The following FBN1 variants were observed in gnomAD, a reference collection of about 807,000 sequenced individuals.
FBN1 encodes the protein fibrillin 1.
FBN1 carries 29 observed loss-of-function variants against 365.1 expected under a neutral mutation model. The observed-to-expected ratio is 0.08, with a 90% CI of 0.06 to 0.11. FBN1 has a LOEUF of 0.11. Among genes scored for constraint, FBN1 ranks in the 10% least tolerant of loss-of-function variants. The pLI is 1.00. For missense variants in FBN1, 2,476 were observed against 3,703.2 expected (o/e 0.67, Z 8.60); for synonymous variants, 1,210 against 1,270.5 (o/e 0.95, Z 1.01).
rs1281826850 is a variant in FBN1, at chr15:48,515,511, G to A, written c.1344C>T (p.Asn448=). ...GGACCAACTGGCAGTAATCAGTAAC[G>A]TTTACTGGCAGCACCCCTAGAAGAA... The part of the protein sequence containing the change: ...SREPPRVLPV[N]VTDYCQLVRY... The change falls in exon 12 of 66, where the codon AAC becomes AAT. Residue 448 remains asparagine (N), a synonymous_variant. Transcript: ENST00000316623. 3.7e-6 allele frequency: 6 copies of A among 1,613,840 alleles called. No individual in the cohort carries two copies. The highest frequency in any genetic ancestry group is 5.1e-6 in the Non-Finnish European group (6 of 1,179,886).
intron 31 of FBN1, among the ~76,000 whole-genome samples, chr15:48,482,607 T>C (rs1384512520): frequency 1.3e-5 from 2 of 152,154 alleles, no homozygotes; most frequent in African/African-American, 4.8e-5. Context: ...AATCTGGGCA[T>C]CCTGGAAGGC....
chr15:48,503,108 G>A (rs1050844458), intron 17 of FBN1, among the ~76,000 whole-genome samples: 1 of 151,982 alleles, frequency 6.6e-6, no homozygotes, highest in Admixed American at 6.6e-5. Context: ...GACCAGCCTG[G>A]CCAATATGGT....
In FBN1 at chr15:48,425,370, T is replaced by C; in HGVS notation, c.7452A>G (p.Lys2484=). Residue 2484 remains lysine, a splice_region_variant and synonymous_variant, in exon 60 of 66, where the codon AAA becomes AAG. Coordinates refer to ENST00000316623, the MANE Select transcript of FBN1 (RefSeq NM_000138.5). ...YILQEDGRSC[K]DLDECATKQH... is the part of the protein sequence containing the mutation. ...GGGCAATGGTCAATTCTACTTTACC[T>C]TTGCAGCTCCTTCCATCCTCTTGCA... 1 of 1,614,164 alleles carries C rather than the reference T, an allele frequency of 6.2e-7. No individual in the cohort carries two copies. Among genetic ancestry groups the C allele is most frequent in the Non-Finnish European group, 8.5e-7 (1 of 1,179,996 alleles).
chr15:48,512,764 C>CT (rs2043771083), intron 13 of FBN1, among the ~76,000 whole-genome samples: 1 of 151,044 alleles, frequency 6.6e-6, no homozygotes, highest in African/African-American at 2.4e-5. Context: ...GAGTATTTGC[C>CT]TGTTTTTTTT....
chr15:48,642,620 G>A (rs1463594575), intron 2 of FBN1: 1 of 151,664 alleles, frequency 6.6e-6, no homozygotes, highest in East Asian at 1.9e-4. Flanking sequence ...AGGTGGCAGG[G>A]AAATACTTTT....
At chr15:48,554,777 TG>T (rs1342270054) in intron 6 of FBN1, among the ~76,000 whole-genome samples, 1 of 152,210 alleles carries the variant, frequency 6.6e-6, no homozygotes, top group Non-Finnish European at 1.5e-5. Flanking sequence ...CAAACTGAAA[TG>T]GAAGTGTCTT....
rs397515822 is a variant in FBN1 at position 48,452,665 on chromosome 15, G to A, written c.5442C>T (p.Asn1814=). 189 of 1,614,144 alleles carry A rather than the reference G, an allele frequency of 1.2e-4. No homozygotes were observed. Among genetic ancestry groups the A allele is most frequent in the Middle Eastern group, 3.3e-4 (2 of 6,062 alleles). ...LVCEDIDECQ[N]GPVCQRNAEC... ...CGGCGTTGCGCTGGCACACTGGGCC[G>A]TTCTGACACTCGTCAATATCTACGA... Residue 1814 remains asparagine (N), a synonymous_variant, in exon 45 of 66, where the codon AAC becomes AAT. Coordinates refer to ENST00000316623, the MANE Select transcript of FBN1 (RefSeq NM_000138.5).
Position 48,487,399 on chromosome 15 carries a change from C to T in FBN1, c.3376G>A (p.Gly1126Ser), listed in dbSNP as rs1437464599. Residue 1126 changes from glycine to serine, a missense_variant, in exon 28 of 66, where the codon GGT becomes AGT. Around this residue, in one of 5 missense-constraint regions of FBN1, gnomAD observed 1,780 missense variants for 2,840.8 expected, o/e 0.63. Transcript: ENST00000316623. The part of the protein sequence containing the change: ...ECQRDPLLCR[G>S]GVCHNTEGSY... ...CCCTCTGTGTTATGGCAAACACCAC[C>T]TCGGCATAGGAGAGGATCTCTCTGA... 1.5e-5 allele frequency: 24 copies of T among 1,614,052 alleles called. No homozygotes were observed. Among genetic ancestry groups the T allele is most frequent in the Non-Finnish European group, 1.9e-5 (22 of 1,180,034 alleles).
chr15:48,485,562 T>A, intron 29 of FBN1, 66 bp from the exon 30 acceptor site: 1 of 1,575,690 alleles, frequency 6.3e-7, no homozygotes, highest in Non-Finnish European at 8.7e-7. Flanking sequence ...CCAATACTCG[T>A]GTTGAAATTT....
rs764741627 is a variant in FBN1, at chr15:48,415,760, G to A, written c.7827C>T (p.Asn2609=). The A allele has an allele frequency of 1.3e-5, 21 of 1,613,436 alleles. No individual in the cohort carries two copies. Among genetic ancestry groups the A allele is most frequent in the African/African-American group, 2.7e-5 (2 of 74,918 alleles). ...HYQWNQCVDE[N]ECLSAHICGG... ...CGCAGATGTGAGCGCTGAGGCATTC[G>A]TTTTCATCTGCAGGCAAAATAAGAA... Residue 2609 remains asparagine (N), a synonymous_variant, in exon 64 of 66, where the codon AAC becomes AAT. Coordinates refer to ENST00000316623, the MANE Select transcript of FBN1 (RefSeq NM_000138.5).
chr15:48,568,499 CA>C (rs1449479707), intron 6 of FBN1, among the ~76,000 whole-genome samples: 1 of 151,940 alleles, frequency 6.6e-6, no homozygotes, highest in Non-Finnish European at 1.5e-5. Flanking sequence ...TGGAAACTGA[CA>C]AGTTGAAGGT....
At chr15:48,503,689 G>A in intron 17 of FBN1, 98 bp downstream of exon 17, 3 of 1,540,348 alleles carry the variant, frequency 1.9e-6, no homozygotes, top group Non-Finnish European at 2.7e-6. Context: ...CGTACCTGGA[G>A]AGCAAAATGT....
chr15:48,498,640 G>A (rs1566912569), intron 18 of FBN1, among the ~76,000 whole-genome samples: 1 of 152,110 alleles, frequency 6.6e-6, no homozygotes, highest in Non-Finnish European at 1.5e-5. Context: ...ATCCCGAGTG[G>A]TACTTGATAG....
intron 6 of FBN1, among the ~76,000 whole-genome samples, chr15:48,576,850 G>T (rs987632813): frequency 2.0e-5 from 3 of 152,164 alleles, no homozygotes; most frequent in Non-Finnish European, 4.4e-5. Flanking sequence ...TGGAGGATGT[G>T]TTGTGGAGAA....
At chr15:48,597,843 T>C (rs1279891713) in intron 5 of FBN1, among the ~76,000 whole-genome samples, 1 of 152,236 alleles carries the variant, frequency 6.6e-6, no homozygotes, top group Non-Finnish European at 1.5e-5. Flanking sequence ...CCCTCCCAGA[T>C]TACAGATGAG....
Position 48,487,133 on chromosome 15 carries a change from C to G in FBN1, c.3531G>C (p.Lys1177Asn), listed in dbSNP as rs1566909383. ...PNGRCVNLIGKYQCACNPGYH... is the reference protein window; with the variant it reads ...PNGRCVNLIGNYQCACNPGYH... ...AGCCAGGGTTGCAGGCACACTGATA[C>G]TTCCCTATGAGGTTCACGCAACGGC... The change falls in exon 29 of 66, where the codon AAG (lysine) becomes AAC (asparagine). Residue 1177 changes from lysine (K) to asparagine (N), a missense_variant. Physicochemically the swap from Lys to Asn is moderately conservative, Grantham distance 94. Coordinates refer to ENST00000316623, the MANE Select transcript of FBN1 (RefSeq NM_000138.5). The G allele has an allele frequency of 6.2e-7, 1 of 1,614,172 alleles. No homozygotes were observed. The highest frequency in any genetic ancestry group is 1.1e-5 in the South Asian group (1 of 91,074).
At chr15:48,641,492 A>C (rs1890197395) in intron 2 of FBN1, 1 of 152,276 alleles carries the variant, frequency 6.6e-6, no homozygotes, top group Admixed American at 6.5e-5. Context: ...GAGAAAAACA[A>C]GAAGGCAGTA....
intron 6 of FBN1, 60 bp downstream of exon 6, chr15:48,596,223 A>T: frequency 1.4e-6 from 2 of 1,477,788 alleles, no homozygotes; most frequent in Middle Eastern, 3.5e-4. Context: ...TGTCTGTGCA[A>T]ATTAGTAACA....
intron 4 of FBN1, among the ~76,000 whole-genome samples, chr15:48,605,377 G>C (rs917527031): frequency 1.3e-5 from 2 of 152,146 alleles, no homozygotes; most frequent in African/African-American, 4.8e-5. Flanking sequence ...GCATGATCCA[G>C]TAAAGGGAAA....
Sources: gnomAD v4.1 joint callset for allele counts (sites outside exome capture counted in the v4.1 genomes callset) on GRCh38, gnomAD v4.1.1 for gene constraint, gnomAD v4.1.1 regional missense constraint, MANE v1.5 for transcripts, NCBI Gene and HGNC (gene_info 2026-07-23, HGNC 2026-07-21) for gene names.